CLN8: variants seen among roughly 807,000 people sequenced by gnomAD.
CLN8 encodes the protein protein CLN8.
Under a neutral mutation model 15.7 loss-of-function variants are expected in CLN8, and 14 were observed. The ratio of observed to expected loss-of-function variants is 0.89; its 90% CI spans 0.59 to 1.39. CLN8 has a LOEUF of 1.39. Among genes scored for constraint, CLN8 ranks in the 40% most tolerant of loss-of-function variants. The pLI is 0.00. For missense variants in CLN8, 415 were observed against 364.0 expected (o/e 1.14, Z -1.14); for synonymous variants, 188 against 151.0 (o/e 1.25, Z -1.80).
At chr8:1,757,215 C>G (rs368249340) in intron 1 of CLN8, among the ~76,000 whole-genome samples, 2 of 152,122 alleles carry the variant, frequency 1.3e-5, no homozygotes, top group Non-Finnish European at 1.5e-5. Context: ...GGGCCATTGC[C>G]GTGGGGCTGC....
chr8:1,772,924 G>C (rs4875958), intron 2 of CLN8: 1 of 398,294 alleles, frequency 2.5e-6, no homozygotes, highest in African/African-American at 2.1e-5. Flanking sequence ...TTGTCTACAG[G>C]AGACTGGTAG....
At chr8:1,753,569 CAA>C (rs71190758), upstream of CLN8, among the ~76,000 whole-genome samples, 6 of 102,610 alleles carry the variant, frequency 5.8e-5, no homozygotes, top group Admixed American at 3.6e-4. Flanking sequence ...GAAACTGTTT[CAA>C]AAAAAAAAAA....
At chr8:1,768,119 T>G (rs1233487959) in intron 1 of CLN8, among the ~76,000 whole-genome samples, 2 of 151,974 alleles carry the variant, frequency 1.3e-5, no homozygotes, top group Non-Finnish European at 2.9e-5. Flanking sequence ...GATTTTTGTA[T>G]TTTTAGTAGA....
intron 1 of CLN8, among the ~76,000 whole-genome samples, chr8:1,757,723 T>G (rs1230867354): frequency 6.6e-6 from 1 of 152,186 alleles, no homozygotes; most frequent in African/African-American, 2.4e-5. Flanking sequence ...CGAGCCACCA[T>G]GCTTGGGCAC....
intron 1 of CLN8, among the ~76,000 whole-genome samples, chr8:1,768,581 G>A (rs913214938): frequency 1.6e-4 from 24 of 152,214 alleles, no homozygotes; most frequent in African/African-American, 5.5e-4. Context: ...ACAGGGAGAA[G>A]TTTTACGAGG....
chr8:1,762,633 TATA>T (rs1173237272), upstream of CLN8: 1 of 152,232 alleles, frequency 6.6e-6, no homozygotes, highest in Admixed American at 6.5e-5. Context: ...ACTAAAGGGT[TATA>T]ATAATTTTGA....
upstream of CLN8, chr8:1,759,950 C>G (rs926922529): frequency 1.3e-5 from 2 of 152,180 alleles, no homozygotes; most frequent in South Asian, 4.1e-4. Context: ...GAACTCCTCC[C>G]ATCCCTCCGC....
In CLN8 at chr8:1,770,971, C is replaced by T; in HGVS notation, c.-84C>T. ...CGTGACAATCCCAGGGACCGCTGCACTGACTTCATTTCCTTAGACAAGACA... is the reference window on the plus strand; with the variant it reads ...CGTGACAATCCCAGGGACCGCTGCATTGACTTCATTTCCTTAGACAAGACA... On this transcript the variant is annotated 5_prime_UTR_variant, in exon 2 of 3. Transcript: ENST00000331222. 1 of 1,309,910 alleles carries T rather than the reference C, an allele frequency of 7.6e-7. No homozygotes were observed. Among genetic ancestry groups the T allele is most frequent in the Non-Finnish European group, 1.1e-6 (1 of 909,964 alleles). The allele number at this position is 1,309,910 out of a possible 1,614,324, so 81.1% of individuals were successfully genotyped here.
At chr8:1,760,718 G>C (rs1800772106), upstream of CLN8, among the ~76,000 whole-genome samples, 1 of 152,156 alleles carries the variant, frequency 6.6e-6, no homozygotes, top group African/African-American at 2.4e-5. Flanking sequence ...TGGAGAAAGG[G>C]GTCCAGTCCA....
At chr8:1,757,263 T>G (rs1800692688) in intron 1 of CLN8, among the ~76,000 whole-genome samples, 1 of 152,176 alleles carries the variant, frequency 6.6e-6, no homozygotes, top group African/African-American at 2.4e-5. Context: ...TTCTCCCCTC[T>G]GAAGGTCAGC....
chr8:1,766,905 C>T (rs948934002), intron 1 of CLN8, among the ~76,000 whole-genome samples: 2 of 152,240 alleles, frequency 1.3e-5, no homozygotes, highest in Admixed American at 6.5e-5. Context: ...TCCCATACCC[C>T]TTCTGTGCTG....
intron 1 of CLN8, among the ~76,000 whole-genome samples, chr8:1,766,594 T>C (rs541986682): frequency 2.3e-4 from 35 of 151,988 alleles, no homozygotes; most frequent in Non-Finnish European, 4.6e-4. Context: ...GGTTTCACCA[T>C]GTTAGCCAGG....
rs533720296 is a variant in CLN8 at position 1,766,740 on chromosome 8, G to C, written c.-124+2855G>C. 2.0e-3 allele frequency among the ~76,000 whole-genome samples: 299 copies of C among 152,330 alleles called. 2 individuals are homozygous for C. Among genetic ancestry groups the C allele is most frequent in the African/African-American group, 7.0e-3 (293 of 41,580 alleles). On this transcript the variant is annotated intron_variant, in intron 1 of 2. Coordinates refer to ENST00000331222, the MANE Select transcript of CLN8 (RefSeq NM_018941.4). ...GGAAGGAACAGTGACTTCCAGCTGT[G>C]CATTACACTTAAGGACTCCTTCATG...
chr8:1,776,296 A>T (rs1318375286), intron 2 of CLN8, among the ~76,000 whole-genome samples: 1 of 152,134 alleles, frequency 6.6e-6, no homozygotes, highest in African/African-American at 2.4e-5. Flanking sequence ...ATGCTCCAGT[A>T]CACATGTGAT....
chr8:1,778,470 A>G (rs1563112980), intron 2 of CLN8, among the ~76,000 whole-genome samples: 1 of 152,088 alleles, frequency 6.6e-6, no homozygotes, highest in Non-Finnish European at 1.5e-5. Flanking sequence ...CTTGTTTTGG[A>G]TCCTGCTTCC....
Position 1,784,080 on chromosome 8 carries a change from G to A in CLN8, c.*3513G>A, listed in dbSNP as rs182633275. On this transcript the variant is annotated 3_prime_UTR_variant, in exon 3 of 3. Coordinates refer to ENST00000331222, the MANE Select transcript of CLN8 (RefSeq NM_018941.4). ...GCGGGTGGATCATTTGAGGTCAGGAGTTTGAAACCAGCCTGGCCAACATGG... is the reference window on the plus strand; with the variant it reads ...GCGGGTGGATCATTTGAGGTCAGGAATTTGAAACCAGCCTGGCCAACATGG... 1.3e-5 allele frequency: 2 copies of A among 152,286 alleles called. No homozygotes were observed. Among genetic ancestry groups the A allele is most frequent in the Non-Finnish European group, 2.9e-5 (2 of 68,126 alleles). The allele number at this position is 152,286 out of a possible 1,614,324, so 9.4% of individuals were successfully genotyped here.
chr8:1,775,335 C>T (rs1171435811), intron 2 of CLN8, among the ~76,000 whole-genome samples: 1 of 152,076 alleles, frequency 6.6e-6, no homozygotes, highest in Admixed American at 6.6e-5. Context: ...CTGCAGGGAG[C>T]CCAGGAACCA....
At chr8:1,773,561 T>G (rs1296863874) in intron 2 of CLN8, 1 of 152,250 alleles carries the variant, frequency 6.6e-6, no homozygotes, top group East Asian at 1.9e-4. Context: ...TTGGGAACGA[T>G]GCTGTGACCT....
chr8:1,759,242 A>C (rs1381145428), upstream of CLN8: 1 of 152,246 alleles, frequency 6.6e-6, no homozygotes, highest in Non-Finnish European at 1.5e-5. Context: ...TTACTTTGGA[A>C]AGCTCGTGGC....
Sources: allele counts gnomAD v4.1 joint callset (sites outside exome capture counted in the v4.1 genomes callset), GRCh38; gene constraint gnomAD v4.1.1; transcripts MANE v1.5; gene names NCBI Gene and HGNC (gene_info 2026-07-23, HGNC 2026-07-21).